ULK4: variants seen among roughly 807,000 people sequenced by gnomAD.
ULK4 encodes unc-51 like kinase 4.
Under a neutral mutation model 160.6 loss-of-function variants are expected in ULK4, and 133 were observed. The observed-to-expected ratio is 0.83, with a 90% confidence interval of 0.72 to 0.96. The LOEUF (loss-of-function observed/expected upper bound fraction) is 0.96. Among genes scored for constraint, ULK4 ranks in the 40% least tolerant of loss-of-function variants. The pLI is 0.00. For synonymous variants in ULK4, 534 were observed against 539.8 expected (o/e 0.99, Z 0.15); for missense variants, 1,580 against 1,499.5 (o/e 1.05, Z -0.89).
chr3:41,681,939 T>C, intron 27 of ULK4, 135 bp from the exon 28 acceptor site: 2 of 853,838 alleles, frequency 2.3e-6, no homozygotes, highest in East Asian at 5.3e-5. Flanking sequence ...TTATCCTGGA[T>C]TTAAACTCTC....
intron 1 of ULK4, chr3:41,955,850 A>T (rs192688533): frequency 1.1e-3 from 167 of 152,124 alleles, no homozygotes; most frequent in African/African-American, 3.9e-3. Flanking sequence ...TAACAAAATC[A>T]GGGTATGAAT....
intron 2 of ULK4, among the ~76,000 whole-genome samples, chr3:41,941,703 C>T (rs1699961908): frequency 1.6e-5 from 2 of 128,274 alleles, no homozygotes; most frequent in South Asian, 5.4e-4. Flanking sequence ...GCACAGTGAG[C>T]CGTGATCACA....
chr3:41,473,741 C>T (rs2125889309), intron 32 of ULK4, among the ~76,000 whole-genome samples: 1 of 134,212 alleles, frequency 7.5e-6, no homozygotes, highest in Non-Finnish European at 1.6e-5. Flanking sequence ...AAGTCATTTA[C>T]AATAGTTGTA....
chr3:41,499,130 AC>A (rs2085099289), intron 32 of ULK4, among the ~76,000 whole-genome samples: 1 of 152,232 alleles, frequency 6.6e-6, no homozygotes, highest in Non-Finnish European at 1.5e-5. Context: ...ACAAATCTAT[AC>A]AGAAGAAACA....
At chr3:41,897,064 T>C in intron 14 of ULK4, 61 bp from the exon 15 acceptor site, 2 of 1,433,026 alleles carry the variant, frequency 1.4e-6, no homozygotes, top group Non-Finnish European at 1.9e-6. Context: ...CTGGAAACAT[T>C]ACATAAGAAA....
intron 35 of ULK4, among the ~76,000 whole-genome samples, chr3:41,314,260 A>G (rs2080105835): frequency 6.6e-6 from 1 of 152,192 alleles, no homozygotes; most frequent in Non-Finnish European, 1.5e-5. Context: ...TTACATGCAT[A>G]TATTGTGCAG....
rs1411184575 is a variant in ULK4, at chr3:41,279,270, AAAAAAC to A, written c.3679-29702_3679-29697del. On this transcript the variant is annotated intron_variant, in intron 35 of 36. Coordinates refer to ENST00000301831, the MANE Select transcript of ULK4 (RefSeq NM_017886.4). ...AAAAAAAGAGTAAAAAAAAAAAAAA[AAAAAAC>A]AAAACGACAAAGCCTCCAAGAAATA... 2.3e-3 allele frequency among the ~76,000 whole-genome samples: 343 copies of A among 146,476 alleles called. 4 individuals carry two copies. Among genetic ancestry groups the A allele is most frequent in the African/African-American group, 8.6e-3 (322 of 37,644 alleles).
At chr3:41,858,425 T>C (rs1223158999) in intron 17 of ULK4, among the ~76,000 whole-genome samples, 2 of 151,954 alleles carry the variant, frequency 1.3e-5, no homozygotes. Flanking sequence ...GTACTGGAAT[T>C]ACAGGCATGA....
chr3:41,741,651 T>C (rs2038242686), intron 22 of ULK4, among the ~76,000 whole-genome samples: 1 of 151,922 alleles, frequency 6.6e-6, no homozygotes, highest in Non-Finnish European at 1.5e-5. Context: ...ATGTTTCCAA[T>C]CACTTAAATC....
At chr3:41,956,794 C>T (rs1700499843) in intron 1 of ULK4, among the ~76,000 whole-genome samples, 1 of 152,166 alleles carries the variant, frequency 6.6e-6, no homozygotes, top group East Asian at 1.9e-4. Context: ...CATAGCCACA[C>T]CCATTCATTT....
intron 32 of ULK4, among the ~76,000 whole-genome samples, chr3:41,507,851 C>A (rs999963736): frequency 1.3e-5 from 2 of 152,188 alleles, no homozygotes; most frequent in African/African-American, 4.8e-5. Flanking sequence ...CCCACTAGAA[C>A]AGACAGAAGA....
In ULK4 at chr3:41,292,950, A is replaced by C. The variant is rs770613887; in HGVS notation, c.3679-43376T>G. Among the ~76,000 whole-genome samples the C allele has an allele frequency of 3.9e-4, 60 of 152,102 alleles. 1 individual carries two copies. In the Middle Eastern group the frequency reaches 0.01, roughly 26 times the overall value. ...CAGAGCAAGACACCGTCTCAAAAAA[A>C]TAAAAAAATAAAAAATAAAAAATTA... On this transcript the variant is annotated intron_variant, in intron 35 of 36. Coordinates refer to ENST00000301831, the MANE Select transcript of ULK4 (RefSeq NM_017886.4).
At chr3:41,261,869 T>C (rs2078951365) in intron 35 of ULK4, among the ~76,000 whole-genome samples, 1 of 152,216 alleles carries the variant, frequency 6.6e-6, no homozygotes. Context: ...CTCCTGGCGC[T>C]CTTAGATGGA....
chr3:41,841,224 C>A (rs113341165), intron 17 of ULK4, among the ~76,000 whole-genome samples: 21,617 of 139,592 alleles, frequency 0.15, 1,496 homozygotes, highest in Middle Eastern at 0.22. Flanking sequence ...GTGGGGAGCA[C>A]CTCTGCCCAG....
chr3:41,437,309 T>C (rs1024195405), intron 34 of ULK4, among the ~76,000 whole-genome samples: 1 of 152,196 alleles, frequency 6.6e-6, no homozygotes, highest in Non-Finnish European at 1.5e-5. Context: ...TTGGAGTTTA[T>C]CTATCAGACT....
chr3:41,323,825 T>C (rs1465683654), intron 35 of ULK4, among the ~76,000 whole-genome samples: 5 of 152,138 alleles, frequency 3.3e-5, no homozygotes, highest in Admixed American at 1.3e-4. Flanking sequence ...CACCAAGGCA[T>C]AGAGAGACTT....
chr3:41,395,191 C>CAA (rs11365283), intron 35 of ULK4, among the ~76,000 whole-genome samples: 19 of 106,340 alleles, frequency 1.8e-4, no homozygotes, highest in Middle Eastern at 5.3e-3. Context: ...GAAAGCACTC[C>CAA]AAAAAAAAAA....
chr3:41,437,529 C>T (rs928259887), intron 34 of ULK4, among the ~76,000 whole-genome samples: 3 of 152,190 alleles, frequency 2.0e-5, no homozygotes, highest in African/African-American at 7.2e-5. Flanking sequence ...GTCTTACACA[C>T]TATACTCTGG....
intron 34 of ULK4, among the ~76,000 whole-genome samples, chr3:41,450,020 C>T (rs2083390462): frequency 6.6e-6 from 1 of 150,948 alleles, no homozygotes; most frequent in African/African-American, 2.4e-5. Flanking sequence ...TAAATACTGG[C>T]ACCTTTGATA....
Sources: allele counts gnomAD v4.1 joint callset (sites outside exome capture counted in the v4.1 genomes callset), GRCh38; gene constraint gnomAD v4.1.1; transcripts MANE v1.5; gene names NCBI Gene and HGNC (gene_info 2026-07-23, HGNC 2026-07-21).